Variants in CDK6 observed in about 807,000 individuals in gnomAD.
The protein encoded by CDK6 is cyclin-dependent kinase 6.
A neutral mutation model predicts 37.1 loss-of-function variants in CDK6; 6 were observed. The ratio of observed to expected loss-of-function variants is 0.16; its 90% CI spans 0.09 to 0.32. The LOEUF (loss-of-function observed/expected upper bound fraction) is 0.32. CDK6 is among the 10% of genes least tolerant of loss of function. CDK6 has a pLI of 1.00. For synonymous variants in CDK6, 160 were observed against 161.3 expected (o/e 0.99, Z 0.06); for missense variants, 224 against 418.9 (o/e 0.53, Z 4.06).
At chr7:92,668,728 G>T (rs545303580) in intron 5 of CDK6, among the ~76,000 whole-genome samples, 2 of 152,304 alleles carry the variant, frequency 1.3e-5, no homozygotes, top group African/African-American at 4.8e-5. Flanking sequence ...TCAGAACCAG[G>T]TCAAGCTGGT....
chr7:92,817,760 C>A (rs1199694273), intron 2 of CDK6, among the ~76,000 whole-genome samples: 1 of 151,768 alleles, frequency 6.6e-6, no homozygotes, highest in Non-Finnish European at 1.5e-5. Context: ...CTAAAATTTA[C>A]AAAGAAGCTA....
intron 2 of CDK6, among the ~76,000 whole-genome samples, chr7:92,799,339 C>A (rs1048995075): frequency 6.6e-6 from 1 of 152,118 alleles, no homozygotes; most frequent in Non-Finnish European, 1.5e-5. Context: ...ACCTCAGATA[C>A]CAGAATGAGA....
intron 6 of CDK6, among the ~76,000 whole-genome samples, chr7:92,621,798 C>T (rs1795810209): frequency 6.6e-6 from 1 of 152,106 alleles, no homozygotes; most frequent in South Asian, 2.1e-4. Context: ...TGCCCTGGAC[C>T]CAGGAAGCCC....
chr7:92,827,255 C>T (rs1801347840), intron 2 of CDK6, among the ~76,000 whole-genome samples: 1 of 152,142 alleles, frequency 6.6e-6, no homozygotes, highest in Admixed American at 6.6e-5. Flanking sequence ...GATTCTAATT[C>T]TACTGAACTA....
At chr7:92,687,379 T>C (rs1015938576) in intron 4 of CDK6, among the ~76,000 whole-genome samples, 2 of 152,212 alleles carry the variant, frequency 1.3e-5, no homozygotes, top group Non-Finnish European at 1.5e-5. Context: ...CAATGACTAT[T>C]TGTTAAATGT....
intron 4 of CDK6, among the ~76,000 whole-genome samples, chr7:92,678,379 A>T (rs560544123): frequency 6.6e-6 from 1 of 152,232 alleles, no homozygotes; most frequent in East Asian, 1.9e-4. Context: ...CAATCATTAC[A>T]TGTATTAACA....
intron 5 of CDK6, among the ~76,000 whole-genome samples, chr7:92,659,012 A>T (rs1796773071): frequency 6.6e-6 from 1 of 152,206 alleles, no homozygotes; most frequent in African/African-American, 2.4e-5. Context: ...AGCTGCATCA[A>T]TATCAGCTTG....
At chr7:92,617,208 T>C (rs764147954) in intron 7 of CDK6, among the ~76,000 whole-genome samples, 126 of 152,154 alleles carry the variant, frequency 8.3e-4, no homozygotes, top group Admixed American at 1.4e-3. Context: ...CAATGGAACA[T>C]GGGCAGAGTG....
At chr7:92,805,349 T>C (rs541950500) in intron 2 of CDK6, among the ~76,000 whole-genome samples, 41 of 152,306 alleles carry the variant, frequency 2.7e-4, no homozygotes, top group African/African-American at 9.6e-4. Context: ...CTCCTAGCCA[T>C]CATAAAGTCA....
In CDK6 at chr7:92,623,348, A is replaced by G. The variant is rs575645194; in HGVS notation, c.648-262T>C. Reference sequence around the variant, plus strand: ...CATTCTGTTTGCAGTCATTCTTACAACAGTGCTACCGTCAAATTCAGTTCC... The same window carrying G: ...CATTCTGTTTGCAGTCATTCTTACAGCAGTGCTACCGTCAAATTCAGTTCC... On this transcript the variant is annotated intron_variant, in intron 5 of 7. Coordinates refer to ENST00000424848, the MANE Select transcript of CDK6 (RefSeq NM_001145306.2). Among the ~76,000 whole-genome samples the G allele has an allele frequency of 2.0e-5, 3 of 152,256 alleles. No individual in the cohort carries two copies. In the South Asian group the frequency reaches 6.2e-4, roughly 32 times the overall value.
At position 92,833,542 on chromosome 7, in the gene CDK6, C is replaced by T; in HGVS notation, c.-219G>A. 1 of 544,570 alleles carries T rather than the reference C, an allele frequency of 1.8e-6. No individual in the cohort carries two copies. Among genetic ancestry groups the T allele is most frequent in the Non-Finnish European group, 3.2e-6 (1 of 314,184 alleles). 33.7% of individuals were successfully genotyped at this position (544,570 alleles called of 1,614,324 possible). A position where few individuals can be genotyped will look rare whatever the true frequency, so the allele number is the denominator to read the frequency against. On this transcript the variant is annotated 5_prime_UTR_variant, in exon 2 of 8. Coordinates refer to ENST00000424848, the MANE Select transcript of CDK6 (RefSeq NM_001145306.2). This position sits in a 1 kb window ranked among gnomAD's most constrained non-coding sequence, Gnocchi z 6.1. ...GGCTGGCGTAACCCTGGTGCCGCCG[C>T]CGCGAAACTCCGCCTGCAGAGTCGC...
chr7:92,799,231 T>TC (rs1483793260), intron 2 of CDK6, among the ~76,000 whole-genome samples: 1 of 152,160 alleles, frequency 6.6e-6, no homozygotes, highest in African/African-American at 2.4e-5. Flanking sequence ...TTACCAGGTT[T>TC]CCCCTCTTTC....
intron 2 of CDK6, among the ~76,000 whole-genome samples, chr7:92,818,196 T>A (rs1361338023): frequency 6.6e-6 from 1 of 151,920 alleles, no homozygotes; most frequent in Non-Finnish European, 1.5e-5. Context: ...ACTACCTGAT[T>A]AAGACCTATA....
In CDK6 at chr7:92,672,289, T is replaced by G. The variant is rs979698141; in HGVS notation, c.538-754A>C. Among the ~76,000 whole-genome samples the G allele has an allele frequency of 1.2e-4, 17 of 145,072 alleles. No homozygotes were observed. In the East Asian group the frequency reaches 2.1e-3, roughly 17 times the overall value. On this transcript the variant is annotated intron_variant, in intron 4 of 7. Transcript: ENST00000424848. ...GCTGCTGGATGGTGTCCCTGAAGTC[T>G]ACACAACACCCAGGACATGTCAAAA... is the stretch of plus-strand genomic sequence containing the variant.
intron 3 of CDK6, among the ~76,000 whole-genome samples, chr7:92,748,360 T>C (rs949124939): frequency 6.6e-6 from 1 of 152,154 alleles, no homozygotes; most frequent in Non-Finnish European, 1.5e-5. Flanking sequence ...AAAGGCTCCA[T>C]GCAAAATCTA....
intron 5 of CDK6, among the ~76,000 whole-genome samples, chr7:92,646,067 T>G (rs552973475): frequency 1.3e-5 from 2 of 152,364 alleles, no homozygotes; most frequent in South Asian, 4.1e-4. Flanking sequence ...TTTTGTGGCT[T>G]GCCTAATGAA....
At chr7:92,744,295 A>T (rs1799003327) in intron 3 of CDK6, among the ~76,000 whole-genome samples, 1 of 152,212 alleles carries the variant, frequency 6.6e-6, no homozygotes, top group Non-Finnish European at 1.5e-5. Flanking sequence ...GAGAAAAGTC[A>T]CATGTTACAT....
chr7:92,630,788 G>T (rs1796034000), intron 5 of CDK6, among the ~76,000 whole-genome samples: 1 of 152,078 alleles, frequency 6.6e-6, no homozygotes. Flanking sequence ...AGTTTAAATT[G>T]GGCTTAGCAT....
intron 3 of CDK6, among the ~76,000 whole-genome samples, chr7:92,751,478 T>C (rs906415890): frequency 2.6e-5 from 4 of 152,252 alleles, no homozygotes; most frequent in East Asian, 3.9e-4. Context: ...CTGGAGACTA[T>C]CCTAATTCAA....
Sources: allele counts gnomAD v4.1 joint callset (sites outside exome capture counted in the v4.1 genomes callset), GRCh38; gene constraint gnomAD v4.1.1; non-coding constraint Gnocchi (gnomAD v3.1); transcripts MANE v1.5; gene names NCBI Gene and HGNC (gene_info 2026-07-23, HGNC 2026-07-21).